CAMSAP3: variants seen among roughly 807,000 people sequenced by gnomAD.
The protein encoded by CAMSAP3 is calmodulin-regulated spectrin-associated protein 3.
CAMSAP3 carries 34 observed loss-of-function variants against 112.5 expected under a neutral mutation model. The ratio of observed to expected loss-of-function variants is 0.30; its 90% CI spans 0.23 to 0.40. The LOEUF (loss-of-function observed/expected upper bound fraction) is 0.40. Ranked by LOEUF, CAMSAP3 falls within the 10% of genes least tolerant of loss-of-function variation. CAMSAP3 has a pLI of 1.00. For missense variants in CAMSAP3, 1,602 were observed against 1,770.3 expected (o/e 0.90, Z 1.71); for synonymous variants, 868 against 799.8 (o/e 1.09, Z -1.44).
At chr19:7,601,136 C>T (rs4804753) in intron 1 of CAMSAP3, among the ~76,000 whole-genome samples, 1 of 151,812 alleles carries the variant, frequency 6.6e-6, no homozygotes, top group Non-Finnish European at 1.5e-5. Context: ...CAAAAACAAA[C>T]AACAAAAACC....
chr19:7,607,812 T>C lies in CAMSAP3; in HGVS notation c.622-314T>C. 6 of 1,285,088 alleles carry C rather than the reference T, an allele frequency of 4.7e-6. No individual in the cohort carries two copies. Among genetic ancestry groups the C allele is most frequent in the Admixed American group, 2.6e-5 (1 of 37,980 alleles). 79.6% of individuals were successfully genotyped at this position (1,285,088 alleles called of 1,614,324 possible). On this transcript the variant is annotated intron_variant, in intron 4 of 16. Transcript: ENST00000160298. The surrounding 1 kb of genome is among the most constrained non-coding windows in gnomAD (Gnocchi z 4.9). ...TCCCCCTTGCTGATGGCTGCTCCTC[T>C]CCCCCCAGCACGCAATTGCCTTCTG...
At chr19:7,600,391 T>C (rs1240816458) in intron 1 of CAMSAP3, among the ~76,000 whole-genome samples, 1 of 3,746 alleles carries the variant, frequency 2.7e-4, no homozygotes, top group Non-Finnish European at 5.5e-4. Flanking sequence ...ACCCGCCCAC[T>C]CATCCATGCA....
chr19:7,616,628 T>C lies in CAMSAP3; in HGVS notation c.3212+6T>C. ...GTGAAGAGGCCCACGTCTCGGTGAG[T>C]TTAGCCCGCACAGGCGGGGTTCGTA... On this transcript the variant is annotated splice_donor_region_variant and intron_variant, in intron 14 of 16. Transcript: ENST00000160298. 1.3e-6 allele frequency: 2 copies of C among 1,599,218 alleles called. No individual in the cohort carries two copies. The highest frequency in any genetic ancestry group is 1.7e-6 in the Non-Finnish European group (2 of 1,174,302).
Position 7,607,744 on chromosome 19 carries a change from TC to T in CAMSAP3, c.622-375del, listed in dbSNP as rs1429635215. The T allele has an allele frequency of 3.8e-5, 21 of 552,222 alleles. No homozygotes were observed. The highest frequency in any genetic ancestry group is 1.0e-3 in the Middle Eastern group (2 of 1,964). The allele number at this position is 552,222 out of a possible 1,614,324, so 34.2% of individuals were successfully genotyped here. ...CAGGACCAGGGTCAGGGCTACCCCC[TC>T]CCCCCCAAGGTGGGCTTGGGGGCCC... On this transcript the variant is annotated intron_variant, in intron 4 of 16. Coordinates refer to ENST00000160298, the MANE Select transcript of CAMSAP3 (RefSeq NM_020902.2). The surrounding 1 kb of genome is among the most constrained non-coding windows in gnomAD (Gnocchi z 4.9).
rs1194419690 is a variant in CAMSAP3, at chr19:7,615,462, C to T, written c.2855C>T (p.Ala952Val). 6 of 1,541,106 alleles carry T rather than the reference C, an allele frequency of 3.9e-6. No individual in the cohort carries two copies. In the African/African-American group the frequency reaches 5.5e-5, roughly 14 times the overall value. Residue 952 changes from alanine to valine, a missense_variant, in exon 13 of 17, where the codon GCA becomes GTA. By Grantham distance (64) the Ala-to-Val change is moderately conservative. This residue lies in a region of CAMSAP3 where 1,100 missense variants were observed against 1,135.7 expected (regional missense o/e 0.97). Coordinates refer to ENST00000160298, the MANE Select transcript of CAMSAP3 (RefSeq NM_020902.2). The surrounding 1 kb of genome is among the most constrained non-coding windows in gnomAD (Gnocchi z 6.5). The stretch of plus-strand genomic sequence containing the variant: ...CCGGGCCCAGCCCCGCTTGTGTCCG[C>T]AGTCCCGATGGCGACTCCAGCCCCT... The part of the protein sequence containing the change: ...EAPGPAPLVS[A>V]VPMATPAPAA...
At chr19:7,596,697 G>T (rs998614231) in intron 1 of CAMSAP3, among the ~76,000 whole-genome samples, 1 of 151,704 alleles carries the variant, frequency 6.6e-6, no homozygotes, top group African/African-American at 2.4e-5. Context: ...GCCGCGCTGC[G>T]GGCGGCGACC....
At chr19:7,606,148 C>CCAACCCCCCCCCCCCCCCCCCA in intron 2 of CAMSAP3, 123 bp from the exon 3 acceptor site, 1 of 344,664 alleles carries the variant, frequency 2.9e-6, no homozygotes, top group Admixed American at 4.1e-5. Context: ...CCCGCCCCCT[C>CCAACCCCCCCCCCCCCCCCCCA]AAGCCCCACC....
chr19:7,606,166 T>G (rs1363722626), intron 2 of CAMSAP3, 105 bp from the exon 3 acceptor site: 19 of 135,660 alleles, frequency 1.4e-4, no homozygotes, highest in East Asian at 1.9e-4. Context: ...ACCCCCCCCG[T>G]CAAGTCCCTC....
At chr19:7,616,371 C>T in intron 13 of CAMSAP3, 152 bp from the exon 14 acceptor site, 1 of 610,686 alleles carries the variant, frequency 1.6e-6, no homozygotes, top group Non-Finnish European at 3.0e-6. Flanking sequence ...CATCCTCCCT[C>T]ATAGAGGGGT....
rs775864425 is a variant in CAMSAP3, at chr19:7,617,362, C to T, written c.3249C>T (p.Arg1083=). 2 of 1,614,142 alleles carry T rather than the reference C, an allele frequency of 1.2e-6. No homozygotes were observed. Among genetic ancestry groups the T allele is most frequent in the Non-Finnish European group, 1.7e-6 (2 of 1,180,000 alleles). Residue 1083 remains arginine, a synonymous_variant, in exon 15 of 17, where the codon CGC becomes CGT. Coordinates refer to ENST00000160298, the MANE Select transcript of CAMSAP3 (RefSeq NM_020902.2). The surrounding 1 kb of genome is among the most constrained non-coding windows in gnomAD (Gnocchi z 7.5). ...CGTCAGGTCTCATGTCCCCAAGCCG[C>T]CTGCCTGGAAGCCGCGAACGGGACT... The part of the protein sequence containing the change: ...PSPSGLMSPS[R]LPGSRERDWE...
In CAMSAP3 at chr19:7,605,218, C is replaced by T; in HGVS notation, c.149-8C>T. Reference sequence around the variant, plus strand: ...TGACCCCCGTGTTTCCCCTCTATGCCCCCACAGAGCACGTGCCCCCGGAGC... The same window carrying T: ...TGACCCCCGTGTTTCCCCTCTATGCTCCCACAGAGCACGTGCCCCCGGAGC... On this transcript the variant is annotated splice_polypyrimidine_tract_variant and splice_region_variant and intron_variant, in intron 1 of 16. Transcript: ENST00000160298. 2.0e-6 allele frequency: 3 copies of T among 1,524,004 alleles called. No homozygotes were observed. The highest frequency in any genetic ancestry group is 1.3e-5 in the South Asian group (1 of 79,706). The allele number at this position is 1,524,004 out of a possible 1,614,324, so 94.4% of individuals were successfully genotyped here.
chr19:7,611,677 G>A lies in CAMSAP3; in HGVS notation c.1194-10G>A. The A allele has an allele frequency of 4.5e-6, 7 of 1,564,492 alleles. No individual in the cohort carries two copies. The highest frequency in any genetic ancestry group is 6.1e-6 in the Non-Finnish European group (7 of 1,152,062). On this transcript the variant is annotated splice_polypyrimidine_tract_variant and intron_variant, in intron 10 of 16. Transcript: ENST00000160298. The surrounding 1 kb of genome is among the most constrained non-coding windows in gnomAD (Gnocchi z 6.9). ...GTCCCAGGGGCTGACCCCTCCCTCC[G>A]GCCGCCCAGCCGTCCCCTCTCCCAG...
Position 7,607,560 on chromosome 19 carries a change from C to T in CAMSAP3, c.622-566C>T, listed in dbSNP as rs1186503874. 6.6e-6 allele frequency among the ~76,000 whole-genome samples: 1 copy of T among 152,078 alleles called. No individual in the cohort carries two copies. Among genetic ancestry groups the T allele is most frequent in the East Asian group, 1.9e-4 (1 of 5,176 alleles). ...AGGTTCCCTTCCTGCCTACCCGCTT[C>T]CTCTGCATCCTCTCCCCAAGCTGGG... is the stretch of plus-strand genomic sequence containing the variant. On this transcript the variant is annotated intron_variant, in intron 4 of 16. Transcript: ENST00000160298. This position sits in a 1 kb window ranked among gnomAD's most constrained non-coding sequence, Gnocchi z 4.9.
Position 7,615,680 on chromosome 19 carries a change from G to T in CAMSAP3, c.3073G>T (p.Asp1025Tyr). The change falls in exon 13 of 17, where the codon GAC becomes TAC. Residue 1025 changes from aspartate (D) to tyrosine (Y), a missense_variant. Asp to Tyr is a radical substitution (Grantham distance 160). This residue lies in a region of CAMSAP3 where 1,100 missense variants were observed against 1,135.7 expected (regional missense o/e 0.97). Transcript: ENST00000160298. The surrounding 1 kb of genome is among the most constrained non-coding windows in gnomAD (Gnocchi z 6.5). Reference protein sequence around the residue: ...ATRPRSGCCDDSALARSPARG... With the variant: ...ATRPRSGCCDYSALARSPARG... Reference sequence around the variant, plus strand: ...CCGGCCTCGCTCGGGTTGCTGTGACGACTCAGCCCTGGCACGAAGCCCAGC... The same window carrying T: ...CCGGCCTCGCTCGGGTTGCTGTGACTACTCAGCCCTGGCACGAAGCCCAGC... 7.0e-7 allele frequency: 1 copy of T among 1,424,042 alleles called. No homozygotes were observed. Among genetic ancestry groups the T allele is most frequent in the South Asian group, 1.5e-5 (1 of 66,938 alleles). 88.2% of individuals were successfully genotyped at this position (1,424,042 alleles called of 1,614,324 possible).
At chr19:7,608,331 A>G in intron 5 of CAMSAP3, 67 bp downstream of exon 5, 1 of 1,549,348 alleles carries the variant, frequency 6.5e-7, no homozygotes, top group Non-Finnish European at 8.8e-7. Flanking sequence ...CAGCCCCTAG[A>G]CCCTCCATCC....
chr19:7,602,819 A>C (rs1334736248), intron 1 of CAMSAP3, among the ~76,000 whole-genome samples: 1 of 151,412 alleles, frequency 6.6e-6, no homozygotes, highest in African/African-American at 2.4e-5. Flanking sequence ...GGCACTGGGC[A>C]CAGAGCCCAG....
chr19:7,612,698 A>C lies in CAMSAP3; in HGVS notation c.2205A>C (p.Gly735=). 6.6e-7 allele frequency: 1 copy of C among 1,519,148 alleles called. No homozygotes were observed. The highest frequency in any genetic ancestry group is 1.2e-5 in the South Asian group (1 of 82,646). The allele number at this position is 1,519,148 out of a possible 1,614,324, so 94.1% of individuals were successfully genotyped here. ...QRLLAPPEAP[G]SAPPPAAWVI... ...TCCTGGCCCCGCCCGAGGCCCCCGG[A>C]TCCGCCCCACCACCTGCTGCGTGGG... Residue 735 remains glycine, a synonymous_variant, in exon 11 of 17, where the codon GGA becomes GGC. Coordinates refer to ENST00000160298, the MANE Select transcript of CAMSAP3 (RefSeq NM_020902.2).
Position 7,617,765 on chromosome 19 carries a change from G to C in CAMSAP3, c.3458G>C (p.Ser1153Thr), listed in dbSNP as rs1166662476. 3 of 1,612,100 alleles carry C rather than the reference G, an allele frequency of 1.9e-6. No individual in the cohort carries two copies. The highest frequency in any genetic ancestry group is 2.5e-6 in the Non-Finnish European group (3 of 1,178,460). Residue 1153 changes from serine (S) to threonine (T), a missense_variant, in exon 17 of 17, where the codon AGC becomes ACC. This residue lies in a region of CAMSAP3 where 150 missense variants were observed against 207.6 expected (regional missense o/e 0.72). Transcript: ENST00000160298. This position sits in a 1 kb window ranked among gnomAD's most constrained non-coding sequence, Gnocchi z 7.5. ...ACTCCTGCCCAGGAAATTGAGAAAA[G>C]CAAGGCCAACCACTTCCTGATCCTC... ...KNRILEEIEK[S>T]KANHFLILFR...
At chr19:7,609,982 G>A (rs997899855) in intron 5 of CAMSAP3, among the ~76,000 whole-genome samples, 2 of 152,020 alleles carry the variant, frequency 1.3e-5, no homozygotes, top group Non-Finnish European at 1.5e-5. Flanking sequence ...GACAGGCCAC[G>A]CCCCGGGGGT....
Sources: allele counts gnomAD v4.1 joint callset (sites outside exome capture counted in the v4.1 genomes callset), GRCh38; gene constraint gnomAD v4.1.1; regional missense constraint gnomAD v4.1.1; non-coding constraint Gnocchi (gnomAD v3.1); transcripts MANE v1.5; gene names NCBI Gene and HGNC (gene_info 2026-07-23, HGNC 2026-07-21).